The following EYA3 variants were observed in gnomAD, a reference collection of about 807,000 sequenced individuals.
EYA3 encodes protein phosphatase EYA3.
A neutral mutation model predicts 80.0 loss-of-function variants in EYA3; 39 were observed. The ratio of observed to expected loss-of-function variants is 0.49; its 90% CI spans 0.38 to 0.64. The LOEUF (loss-of-function observed/expected upper bound fraction) is 0.64, where lower values mean the gene tolerates loss of function less well. Ranked by LOEUF, EYA3 falls within the 30% of genes least tolerant of loss-of-function variation. The pLI is 0.00. For missense variants in EYA3, 523 were observed against 676.1 expected, an observed-to-expected ratio of 0.77 and a Z score of 2.51; for synonymous variants, 206 against 232.8, an observed-to-expected ratio of 0.88 and a Z score of 1.05.
At chr1:28,047,046 G>C (rs1644034248) in intron 3 of EYA3, among the ~76,000 whole-genome samples, 1 of 151,838 alleles carries the variant, frequency 6.6e-6, no homozygotes, top group South Asian at 2.1e-4. Flanking sequence ...ACAGCATCTT[G>C]CTATGTCGCC....
At chr1:27,976,665 C>T (rs1426063279) in intron 17 of EYA3, among the ~76,000 whole-genome samples, 1 of 152,146 alleles carries the variant, frequency 6.6e-6, no homozygotes, top group Non-Finnish European at 1.5e-5. Flanking sequence ...ATATCCTTCA[C>T]AGAGTATAGG....
intron 13 of EYA3, 135 bp from the exon 14 acceptor site, chr1:27,993,695 T>G: frequency 3.2e-6 from 2 of 625,256 alleles, no homozygotes; most frequent in Non-Finnish European, 2.5e-6. Context: ...AATCTCTGTA[T>G]GTCAGAGTCT....
At chr1:28,020,588 T>G (rs1642362425) in intron 7 of EYA3, among the ~76,000 whole-genome samples, 1 of 151,734 alleles carries the variant, frequency 6.6e-6, no homozygotes, top group Non-Finnish European at 1.5e-5. Flanking sequence ...CGCCTAAAAA[T>G]GTATACAACC....
At chr1:28,010,111 T>C (rs1641585947) in intron 10 of EYA3, among the ~76,000 whole-genome samples, 1 of 152,208 alleles carries the variant, frequency 6.6e-6, no homozygotes, top group Admixed American at 6.5e-5. Context: ...TAAGAGCACT[T>C]ATCAATGGAT....
rs1227054283 is a variant in EYA3, at chr1:27,993,468, A to C, written c.1235T>G (p.Met412Arg). The C allele has an allele frequency of 6.2e-7, 1 of 1,613,504 alleles. No individual in the cohort carries two copies. Among genetic ancestry groups the C allele is most frequent in the East Asian group, 2.2e-5 (1 of 44,854 alleles). ...SVGVQGGVDW[M>R]RKLAFRYRKV... ...CCGGTAGCGGAAAGCTAGTTTCCTC[A>C]TCCAGTCCACACCTCCCTGAACACC... is the stretch of plus-strand genomic sequence containing the variant. The change falls in exon 14 of 18, where the codon ATG (methionine) becomes AGG (arginine). Residue 412 changes from methionine (M) to arginine (R), a missense_variant. Transcript: ENST00000373871.
rs1251774750 is a variant in EYA3, at chr1:28,042,596, A to G, written c.132T>C (p.Ala44=). ...SDQKPETSSL[A]SNLPMSEEIM... ...TTTCCTCTGACATGGGAAGGTTTGA[A>G]GCAAGGCTTGATGTTTCAGGCTTCT... The change falls in exon 4 of 18, where the codon GCT becomes GCC. Residue 44 remains alanine (A), a synonymous_variant. Transcript: ENST00000373871. 6.2e-7 allele frequency: 1 copy of G among 1,614,060 alleles called. No individual in the cohort carries two copies. Among genetic ancestry groups the G allele is most frequent in the African/African-American group, 1.3e-5 (1 of 74,934 alleles).
intron 7 of EYA3, among the ~76,000 whole-genome samples, chr1:28,018,578 G>C (rs148016099): frequency 4.6e-5 from 7 of 152,324 alleles, no homozygotes; most frequent in African/African-American, 1.7e-4. Context: ...ATTGAGAACA[G>C]GGCAGGAGAA....
chr1:27,977,306 GT>G, intron 17 of EYA3: 1 of 1,550,452 alleles, frequency 6.4e-7, no homozygotes, highest in Non-Finnish European at 8.7e-7. Context: ...AGTTGCTAAG[GT>G]TTCCACTTAA....
chr1:28,038,175 G>C (rs1643555821), intron 5 of EYA3, among the ~76,000 whole-genome samples: 2 of 152,106 alleles, frequency 1.3e-5, no homozygotes. Flanking sequence ...GGGCGTGATG[G>C]CTCACGACTG....
intron 1 of EYA3, among the ~76,000 whole-genome samples, chr1:28,066,379 T>A (rs1002878680): frequency 1.3e-5 from 2 of 151,838 alleles, no homozygotes; most frequent in Admixed American, 1.3e-4. Flanking sequence ...ACGTATATTT[T>A]ACAATAAAAA....
At chr1:28,027,762 A>C in intron 7 of EYA3, 27 bp downstream of exon 7, 1 of 1,612,198 alleles carries the variant, frequency 6.2e-7, no homozygotes, top group South Asian at 1.1e-5. Flanking sequence ...ATAATTTTAA[A>C]ACACACACAC....
chr1:28,078,899 CTA>C (rs1645320469), intron 1 of EYA3, among the ~76,000 whole-genome samples: 1 of 152,158 alleles, frequency 6.6e-6, no homozygotes, highest in African/African-American at 2.4e-5. Flanking sequence ...CAAACCACAG[CTA>C]TGTGTCTCAT....
At chr1:27,985,720 T>G (rs978009069) in intron 16 of EYA3, among the ~76,000 whole-genome samples, 4 of 152,274 alleles carry the variant, frequency 2.6e-5, no homozygotes, top group African/African-American at 7.2e-5. Flanking sequence ...TAACTGTGAT[T>G]ACAGGCGCCT....
intron 14 of EYA3, among the ~76,000 whole-genome samples, chr1:27,992,537 G>A (rs541172741): frequency 3.1e-4 from 47 of 152,320 alleles, no homozygotes; most frequent in African/African-American, 1.0e-3. Context: ...TCTGAGGCCC[G>A]GGAATTGGGG....
At chr1:27,977,170 A>G (rs1488745402) in intron 17 of EYA3, 7 of 1,443,592 alleles carry the variant, frequency 4.8e-6, no homozygotes, top group Admixed American at 2.7e-5. Flanking sequence ...GGCAACAAGA[A>G]GCACTTTAGA....
At chr1:28,008,143 C>T (rs1641430192) in intron 10 of EYA3, among the ~76,000 whole-genome samples, 1 of 151,972 alleles carries the variant, frequency 6.6e-6, no homozygotes, top group Non-Finnish European at 1.5e-5. Flanking sequence ...ATTTAACCTA[C>T]AGCCAACATC....
chr1:28,048,376 T>C lies in EYA3; in HGVS notation c.77+7A>G, dbSNP rs1407725663. 1.2e-6 allele frequency: 2 copies of C among 1,602,914 alleles called. No individual in the cohort carries two copies. Among genetic ancestry groups the C allele is most frequent in the East Asian group, 2.2e-5 (1 of 44,756 alleles). ...AGTTCATTAAAAAGAAAGCAAACTT[T>C]ACATACCTTATAGTTTGCTCTCCTG... On this transcript the variant is annotated splice_region_variant and intron_variant, in intron 3 of 17. Coordinates refer to ENST00000373871, the MANE Select transcript of EYA3 (RefSeq NM_001990.4).
intron 2 of EYA3, among the ~76,000 whole-genome samples, chr1:28,054,804 T>C (rs1644382230): frequency 6.6e-6 from 1 of 152,210 alleles, no homozygotes; most frequent in South Asian, 2.1e-4. Flanking sequence ...TAAGCCAAGA[T>C]GGCACCACTG....
At chr1:28,006,661 A>C (rs974983146) in intron 10 of EYA3, among the ~76,000 whole-genome samples, 2 of 152,040 alleles carry the variant, frequency 1.3e-5, no homozygotes, top group African/African-American at 4.8e-5. Flanking sequence ...AGCTGAGATC[A>C]TGCCACTGCA....
Sources: gnomAD v4.1 joint callset for allele counts (sites outside exome capture counted in the v4.1 genomes callset) on GRCh38, gnomAD v4.1.1 for gene constraint, MANE v1.5 for transcripts, NCBI Gene and HGNC (gene_info 2026-07-23, HGNC 2026-07-21) for gene names.